The following PDE7A variants were observed in gnomAD, a reference collection of about 807,000 sequenced individuals.
The protein encoded by PDE7A is phosphodiesterase 7A.
In PDE7A, 39 loss-of-function variants were observed where a neutral mutation model predicts 64.3. That is an observed-to-expected ratio of 0.61 (90% CI 0.47 to 0.79). The LOEUF (loss-of-function observed/expected upper bound fraction) is 0.79. PDE7A is among the 30% of genes least tolerant of loss of function. PDE7A has a pLI of 0.00. For synonymous variants in PDE7A, 203 were observed against 206.8 expected, an observed-to-expected ratio of 0.98 and a Z score of 0.16; for missense variants, 470 against 582.8, an observed-to-expected ratio of 0.81 and a Z score of 1.99.
chr8:65,814,292 A>G (rs1382756967), intron 1 of PDE7A, among the ~76,000 whole-genome samples: 2 of 151,874 alleles, frequency 1.3e-5, no homozygotes, highest in Non-Finnish European at 1.5e-5. Context: ...CGGGCGGATC[A>G]CGAGGTCAGG....
At chr8:65,788,810 G>C (rs530697643) in intron 1 of PDE7A, 3 of 980,536 alleles carry the variant, frequency 3.1e-6, no homozygotes, top group East Asian at 2.5e-5. Flanking sequence ...GGAGAAAATC[G>C]AGCTATTTAA....
rs183014199 is a variant in PDE7A at position 65,829,828 on chromosome 8, T to C, written c.138+11543A>G. On this transcript the variant is annotated intron_variant, in intron 1 of 12. Transcript: ENST00000401827. ...AAAATGACAGATGAATAAGGTATTA[T>C]TTCTGTATAGCTATGGAGAGCAGCA... Among the ~76,000 whole-genome samples, 216 of 152,208 alleles carry C rather than the reference T, an allele frequency of 1.4e-3. 1 individual carries two copies. Among genetic ancestry groups the C allele is most frequent in the Admixed American group, 0.013 (203 of 15,276 alleles).
In PDE7A at chr8:65,719,006, A is replaced by G. The variant is rs116728809; in HGVS notation, c.*284T>C. On this transcript the variant is annotated 3_prime_UTR_variant, in exon 13 of 13. Coordinates refer to ENST00000401827, the MANE Select transcript of PDE7A (RefSeq NM_001242318.3). ...AGATGCTTTGAAAAAGTCGTGGCAC[A>G]TATCAAAACTTCCTTTGTTACTCCT... 2.7e-3 allele frequency: 1,196 copies of G among 448,848 alleles called. 12 individuals carry two copies. The highest frequency in any genetic ancestry group is 0.022 in the African/African-American group (1,125 of 51,188). 27.8% of individuals were successfully genotyped at this position (448,848 alleles called of 1,614,324 possible).
At chr8:65,755,982 G>A (rs769859832) in intron 3 of PDE7A, among the ~76,000 whole-genome samples, 17 of 152,144 alleles carry the variant, frequency 1.1e-4, no homozygotes, top group Non-Finnish European at 2.1e-4. Flanking sequence ...TGTTTGTCTG[G>A]AAATATGTTA....
intron 5 of PDE7A, among the ~76,000 whole-genome samples, chr8:65,744,115 G>A (rs999399525): frequency 5.9e-5 from 9 of 152,156 alleles, no homozygotes; most frequent in African/African-American, 9.7e-5. Context: ...TTACAGGCAT[G>A]AGCCACCACG....
intron 1 of PDE7A, among the ~76,000 whole-genome samples, chr8:65,829,715 A>G (rs1350784586): frequency 6.6e-6 from 1 of 152,140 alleles, no homozygotes; most frequent in Non-Finnish European, 1.5e-5. Context: ...AATTATTTAT[A>G]AAGTCCCTTT....
rs773328038 is a variant in PDE7A, at chr8:65,820,634, G to A, written c.138+20737C>T. ...AGATGGAGTCTCGCTCTGTTACCCA[G>A]GCTGGAGTGCAGTGGCGCAATCTTG... On this transcript the variant is annotated intron_variant, in intron 1 of 12. Transcript: ENST00000401827. Among the ~76,000 whole-genome samples, 7 of 152,240 alleles carry A rather than the reference G, an allele frequency of 4.6e-5. No individual in the cohort carries two copies. In the South Asian group the frequency reaches 1.5e-3, roughly 32 times the overall value.
chr8:65,831,239 A>C (rs59812763), intron 1 of PDE7A, among the ~76,000 whole-genome samples: 3,272 of 152,218 alleles, frequency 0.021, 55 homozygotes, highest in African/African-American at 0.047. Context: ...GGACATCCTC[A>C]TCTGGATGTT....
chr8:65,841,395 G>C lies in PDE7A; in HGVS notation c.114C>G (p.Cys38Trp). The change falls in exon 1 of 13, where the codon TGC becomes TGG. Residue 38 changes from cysteine to tryptophan, a missense_variant. Cys to Trp is a radical substitution (Grantham distance 215). Transcript: ENST00000401827. Reference protein sequence around the residue: ...SFSSSSALFGCPNPRQLSQRR... With the variant: ...SFSSSSALFGWPNPRQLSQRR... Reference sequence around the variant, plus strand: ...CCTGAGAGAGCTGCCGGGGATTGGGGCAGCCGAAGAGAGCGGAGCTGGAGC... The same window carrying C: ...CCTGAGAGAGCTGCCGGGGATTGGGCCAGCCGAAGAGAGCGGAGCTGGAGC... 1 of 1,561,906 alleles carries C rather than the reference G, an allele frequency of 6.4e-7. No individual in the cohort carries two copies. The highest frequency in any genetic ancestry group is 8.6e-7 in the Non-Finnish European group (1 of 1,158,704).
chr8:65,737,432 G>T (rs903483631), intron 6 of PDE7A, among the ~76,000 whole-genome samples: 3 of 152,144 alleles, frequency 2.0e-5, no homozygotes, highest in Non-Finnish European at 4.4e-5. Context: ...CTGCAAAATT[G>T]TATCTGTAGA....
In PDE7A at chr8:65,814,189, A is replaced by T. The variant is rs192444870; in HGVS notation, c.138+27182T>A. On this transcript the variant is annotated intron_variant, in intron 1 of 12. Coordinates refer to ENST00000401827, the MANE Select transcript of PDE7A (RefSeq NM_001242318.3). ...TGTGCAAGATACATTTATTTATAGAACAATATGTAGTATGATTCCATTTGC... is the reference window on the plus strand; with the variant it reads ...TGTGCAAGATACATTTATTTATAGATCAATATGTAGTATGATTCCATTTGC... Among the ~76,000 whole-genome samples, 128 of 152,258 alleles carry T rather than the reference A, an allele frequency of 8.4e-4. 1 individual carries two copies. The highest frequency in any genetic ancestry group is 2.9e-3 in the Admixed American group (45 of 15,296).
intron 1 of PDE7A, among the ~76,000 whole-genome samples, chr8:65,802,861 T>C: frequency 6.6e-6 from 1 of 152,204 alleles, no homozygotes; most frequent in East Asian, 1.9e-4. Context: ...GGATCCCTGA[T>C]GAAAGGGTCC....
chr8:65,719,983 T>C (rs1450558400), intron 12 of PDE7A, among the ~76,000 whole-genome samples: 2 of 152,244 alleles, frequency 1.3e-5, no homozygotes, highest in African/African-American at 4.8e-5. Flanking sequence ...TGGTCATGAC[T>C]ACAATTGGTC....
Position 65,797,621 on chromosome 8 carries a change from G to A in PDE7A, c.139-14778C>T, listed in dbSNP as rs540299092. ...CCTAGTTACTAATACATATGTTTAC[G>A]GACTGGAAGACTCAATACTGTCAAT... is the stretch of plus-strand genomic sequence containing the variant. On this transcript the variant is annotated intron_variant, in intron 1 of 12. Transcript: ENST00000401827. Among the ~76,000 whole-genome samples, 11 of 152,146 alleles carry A rather than the reference G, an allele frequency of 7.2e-5. No individual in the cohort carries two copies. The East Asian group carries it at 1.7e-3, about 24-fold the overall frequency.
chr8:65,831,751 G>C (rs1563524258), intron 1 of PDE7A, among the ~76,000 whole-genome samples: 1 of 152,048 alleles, frequency 6.6e-6, no homozygotes, highest in Non-Finnish European at 1.5e-5. Context: ...TGTCTCAACA[G>C]TCACTGGTTG....
intron 3 of PDE7A, among the ~76,000 whole-genome samples, chr8:65,752,569 G>A (rs1344774616): frequency 1.3e-5 from 2 of 151,988 alleles, no homozygotes; most frequent in East Asian, 1.9e-4. Flanking sequence ...TTGTATGGCC[G>A]CCCACAGAAT....
intron 1 of PDE7A, among the ~76,000 whole-genome samples, chr8:65,802,637 T>C (rs1810019323): frequency 6.6e-6 from 1 of 152,250 alleles, no homozygotes; most frequent in Non-Finnish European, 1.5e-5. Flanking sequence ...ATGGTATTCA[T>C]AAAAATAATC....
chr8:65,729,586 G>C (rs1471198153), intron 7 of PDE7A, among the ~76,000 whole-genome samples: 1 of 151,770 alleles, frequency 6.6e-6, no homozygotes, highest in East Asian at 1.9e-4. Context: ...ATTTTTTTGT[G>C]ACAGAGTCTT....
At chr8:65,791,942 TTAATAA>T (rs147319992) in intron 1 of PDE7A, among the ~76,000 whole-genome samples, 6,412 of 152,130 alleles carry the variant, frequency 0.042, 217 homozygotes, top group African/African-American at 0.094. Context: ...TAATTAAATT[TTAATAA>T]TAATAAAATT....
Sources: gnomAD v4.1 joint callset for allele counts (sites outside exome capture counted in the v4.1 genomes callset) on GRCh38, gnomAD v4.1.1 for gene constraint, MANE v1.5 for transcripts, NCBI Gene and HGNC (gene_info 2026-07-23, HGNC 2026-07-21) for gene names.